The following SUPT3H variants were observed in gnomAD, a reference collection of about 807,000 sequenced individuals.
SUPT3H encodes the protein SPT3 homolog, SAGA and STAGA complex component, also known as transcription initiation protein SPT3 homolog.
Under a neutral mutation model 44.3 loss-of-function variants are expected in SUPT3H, and 44 were observed. The observed-to-expected ratio is 0.99, with a 90% CI of 0.78 to 1.28. The LOEUF (loss-of-function observed/expected upper bound fraction) is 1.28. Ranked by LOEUF, SUPT3H falls within the 50% of genes most tolerant of loss-of-function variation. SUPT3H has a pLI of 0.00. For synonymous variants in SUPT3H, 124 were observed against 125.6 expected (o/e 0.99, Z 0.09); for missense variants, 380 against 387.1 (o/e 0.98, Z 0.15).
At chr6:44,911,031 T>C (rs1766956839) in intron 10 of SUPT3H, among the ~76,000 whole-genome samples, 1 of 151,164 alleles carries the variant, frequency 6.6e-6, no homozygotes. Context: ...GTAGCTTCTT[T>C]TATAAATGAA....
chr6:45,016,326 A>T (rs868507704), intron 4 of SUPT3H, among the ~76,000 whole-genome samples: 5 of 151,418 alleles, frequency 3.3e-5, no homozygotes, highest in Non-Finnish European at 4.4e-5. Flanking sequence ...TGTTTTTTAA[A>T]TTTTTTTTTA....
chr6:45,151,502 T>C (rs1806965720), intron 2 of SUPT3H, among the ~76,000 whole-genome samples: 1 of 152,098 alleles, frequency 6.6e-6, no homozygotes, highest in African/African-American at 2.4e-5. Flanking sequence ...TTTAAGACTA[T>C]CACACAAAGA....
intron 3 of SUPT3H, among the ~76,000 whole-genome samples, chr6:45,047,163 C>CT (rs1418149655): frequency 6.6e-6 from 1 of 152,088 alleles, no homozygotes; most frequent in Non-Finnish European, 1.5e-5. Flanking sequence ...GTCAGTTTTA[C>CT]TTTTTTCTTT....
chr6:45,025,087 C>T (rs1432486851), intron 3 of SUPT3H, among the ~76,000 whole-genome samples: 1 of 152,188 alleles, frequency 6.6e-6, no homozygotes, highest in African/African-American at 2.4e-5. Context: ...ATAAATCTCT[C>T]TCATACACAC....
Position 44,839,946 on chromosome 6 carries a change from C to T in SUPT3H, c.913-10089G>A, listed in dbSNP as rs181843958. On this transcript the variant is annotated intron_variant, in intron 10 of 10. Transcript: ENST00000371459. ...CGATCTCCTGACCTCGTGATCCGCC[C>T]GCCTTGGCCTCCCAAAGTGCTGGGA... is the stretch of plus-strand genomic sequence containing the variant. Among the ~76,000 whole-genome samples, 1,722 of 152,268 alleles carry T rather than the reference C, an allele frequency of 0.011. 90 individuals carry two copies. In the East Asian group the frequency reaches 0.13, roughly 12 times the overall value.
chr6:45,035,049 T>C (rs1345038789), intron 3 of SUPT3H, among the ~76,000 whole-genome samples: 1 of 152,196 alleles, frequency 6.6e-6, no homozygotes, highest in Non-Finnish European at 1.5e-5. Flanking sequence ...TTACACAGAA[T>C]TAGTTTAATA....
At chr6:44,836,631 G>A (rs1769958891) in intron 10 of SUPT3H, among the ~76,000 whole-genome samples, 1 of 151,888 alleles carries the variant, frequency 6.6e-6, no homozygotes, top group South Asian at 2.1e-4. Flanking sequence ...AAGTTGTTTT[G>A]GCAGTCTGAA....
chr6:44,931,595 C>A (rs890335092), intron 10 of SUPT3H, among the ~76,000 whole-genome samples: 1 of 152,028 alleles, frequency 6.6e-6, no homozygotes, highest in African/African-American at 2.4e-5. Context: ...ATATTAAAAT[C>A]ATGTTCTTAT....
At chr6:45,149,704 T>G (rs1208225581) in intron 2 of SUPT3H, among the ~76,000 whole-genome samples, 1 of 152,188 alleles carries the variant, frequency 6.6e-6, no homozygotes, top group African/African-American at 2.4e-5. Flanking sequence ...AAGGTAGATG[T>G]TATCTGGTCA....
intron 3 of SUPT3H, among the ~76,000 whole-genome samples, chr6:45,031,297 T>C (rs1044855942): frequency 1.3e-5 from 2 of 152,190 alleles, no homozygotes; most frequent in African/African-American, 4.8e-5. Flanking sequence ...TGTAAATAAT[T>C]TGTGGATAAA....
intron 6 of SUPT3H, among the ~76,000 whole-genome samples, chr6:44,976,982 T>C (rs1247012972): frequency 2.0e-5 from 3 of 152,236 alleles, no homozygotes; most frequent in African/African-American, 7.2e-5. Context: ...ATTTCCACTC[T>C]CTTAGATGTC....
chr6:45,257,236 C>T (rs993922570), intron 2 of SUPT3H, among the ~76,000 whole-genome samples: 5 of 152,008 alleles, frequency 3.3e-5, no homozygotes, highest in Non-Finnish European at 7.4e-5. Flanking sequence ...GAATATGAGC[C>T]CCATTTTTAC....
At chr6:44,997,859 T>A (rs1017868197) in intron 6 of SUPT3H, among the ~76,000 whole-genome samples, 4 of 151,924 alleles carry the variant, frequency 2.6e-5, no homozygotes, top group African/African-American at 9.7e-5. Flanking sequence ...AAGTGAATTT[T>A]GTCATATCTC....
rs769040871 is a variant in SUPT3H, at chr6:45,271,942, G to T, written c.101+93259C>A. Among the ~76,000 whole-genome samples the T allele has an allele frequency of 2.0e-5, 3 of 152,176 alleles. No homozygotes were observed. The East Asian group carries it at 5.8e-4, about 29-fold the overall frequency. ...AAAGGAAATCATTTTGGAGCATTAA[G>T]ATTTGATGGCCCCACTGGATTTCAG... On this transcript the variant is annotated intron_variant, in intron 2 of 10. Transcript: ENST00000371459.
rs1356585068 is a variant in SUPT3H at position 44,872,471 on chromosome 6, C to T, written c.913-42614G>A. Among the ~76,000 whole-genome samples, 3 of 149,368 alleles carry T rather than the reference C, an allele frequency of 2.0e-5. No individual in the cohort carries two copies. The East Asian group carries it at 6.0e-4, about 30-fold the overall frequency. On this transcript the variant is annotated intron_variant, in intron 10 of 10. Coordinates refer to ENST00000371459, the MANE Select transcript of SUPT3H (RefSeq NM_003599.4). Reference sequence around the variant, plus strand: ...GCTGAGAGATTTTGTCACCACCAGGCCTGCCCTAAAAGAGCTCCTGAAGGA... The same window carrying T: ...GCTGAGAGATTTTGTCACCACCAGGTCTGCCCTAAAAGAGCTCCTGAAGGA...
chr6:45,211,091 CA>C (rs1300446851), intron 2 of SUPT3H, among the ~76,000 whole-genome samples: 1 of 152,128 alleles, frequency 6.6e-6, no homozygotes, highest in Non-Finnish European at 1.5e-5. Flanking sequence ...ATTACACTTC[CA>C]TTTTTTTTAA....
intron 10 of SUPT3H, among the ~76,000 whole-genome samples, chr6:44,830,700 C>T (rs1271366406): frequency 6.6e-6 from 1 of 152,026 alleles, no homozygotes; most frequent in African/African-American, 2.4e-5. Flanking sequence ...CTTTCCCTGG[C>T]ACATTTTTAA....
chr6:45,074,047 G>A (rs1260849376), intron 3 of SUPT3H, among the ~76,000 whole-genome samples: 1 of 151,936 alleles, frequency 6.6e-6, no homozygotes, highest in Non-Finnish European at 1.5e-5. Flanking sequence ...TAAATTAAAG[G>A]AGGAAAGAGA....
intron 10 of SUPT3H, among the ~76,000 whole-genome samples, chr6:44,895,769 A>T (rs1380690775): frequency 6.6e-6 from 1 of 152,112 alleles, no homozygotes; most frequent in Non-Finnish European, 1.5e-5. Context: ...GAGAACAAAG[A>T]GCCGATTTCA....
Sources: gnomAD v4.1 joint callset for allele counts (sites outside exome capture counted in the v4.1 genomes callset) on GRCh38, gnomAD v4.1.1 for gene constraint, MANE v1.5 for transcripts, NCBI Gene and HGNC (gene_info 2026-07-23, HGNC 2026-07-21) for gene names.